Variants in DAB2IP observed in about 807,000 individuals in gnomAD.
The protein encoded by DAB2IP is disabled homolog 2-interacting protein.
A neutral mutation model predicts 107.2 loss-of-function variants in DAB2IP; 28 were observed. The ratio of observed to expected loss-of-function variants is 0.26; its 90% CI spans 0.19 to 0.36. The LOEUF (loss-of-function observed/expected upper bound fraction) is 0.36. Among genes scored for constraint, DAB2IP ranks in the 10% least tolerant of loss-of-function variants. DAB2IP has a pLI of 1.00. For synonymous variants in DAB2IP, 755 were observed against 706.4 expected (o/e 1.07, Z -1.09); for missense variants, 1,400 against 1,644.7 (o/e 0.85, Z 2.57).
chr9:121,722,632 C>G lies in DAB2IP; in HGVS notation c.362+23174C>G, dbSNP rs1207984953. On this transcript the variant is annotated intron_variant, in intron 3 of 15. Transcript: ENST00000408936. ...CTGGTAGAGTAGACAGCCACACAGA[C>G]AGCCAGTGGGTTTGAAGAAGAAACT... Among the ~76,000 whole-genome samples the G allele has an allele frequency of 4.6e-5, 7 of 152,214 alleles. No homozygotes were observed. In the East Asian group the frequency reaches 1.4e-3, roughly 30 times the overall value.
At chr9:121,645,712 T>C in intron 1 of DAB2IP, among the ~76,000 whole-genome samples, 1 of 152,198 alleles carries the variant, frequency 6.6e-6, no homozygotes, top group Non-Finnish European at 1.5e-5. Flanking sequence ...CAGCTGATTT[T>C]GAGGGCCTCA....
intron 1 of DAB2IP, among the ~76,000 whole-genome samples, chr9:121,570,661 G>T (rs921559227): frequency 1.3e-5 from 2 of 152,142 alleles, no homozygotes; most frequent in Non-Finnish European, 2.9e-5. Flanking sequence ...CAATCCTCCT[G>T]CTTCAGCCTT....
chr9:121,594,872 G>A lies in DAB2IP; in HGVS notation c.40+27644G>A, dbSNP rs567151499. Among the ~76,000 whole-genome samples, 25 of 152,344 alleles carry A rather than the reference G, an allele frequency of 1.6e-4. No individual in the cohort carries two copies. The East Asian group carries it at 4.4e-3, about 27-fold the overall frequency. ...GCTTTCCATGGGCTGGAATGCCTGA[G>A]CTGGATTATAATAGGAGAAGTAGGC... is the stretch of plus-strand genomic sequence containing the variant. On this transcript the variant is annotated intron_variant, in intron 1 of 16. Transcript: ENST00000259371.
At chr9:121,590,976 G>T (rs1362423697) in intron 1 of DAB2IP, among the ~76,000 whole-genome samples, 3 of 152,194 alleles carry the variant, frequency 2.0e-5, no homozygotes, top group Admixed American at 2.0e-4. Flanking sequence ...CATGTGGGAG[G>T]CCAGGGAAGC....
chr9:121,660,102 G>T (rs1380905154), intron 1 of DAB2IP, among the ~76,000 whole-genome samples: 4 of 152,102 alleles, frequency 2.6e-5, no homozygotes, highest in Non-Finnish European at 5.9e-5. Flanking sequence ...AAAGAGGGGA[G>T]AACAGCCCCT....
chr9:121,673,771 A>G (rs7028742), intron 1 of DAB2IP, among the ~76,000 whole-genome samples: 37,993 of 152,040 alleles, frequency 0.25, 4,838 homozygotes, highest in African/African-American at 0.3. Flanking sequence ...GTGTCAGGTC[A>G]GGAGAGAGCC....
intron 3 of DAB2IP, chr9:121,751,187 C>G: frequency 5.6e-6 from 1 of 177,124 alleles, no homozygotes; most frequent in African/African-American, 2.6e-5. Flanking sequence ...TGCTATGGAC[C>G]TTTCCCTGCT....
upstream of DAB2IP, among the ~76,000 whole-genome samples, chr9:121,647,146 G>A (rs541964642): frequency 1.3e-5 from 2 of 152,222 alleles, no homozygotes; most frequent in Admixed American, 1.3e-4. Flanking sequence ...GGTTTCTGTG[G>A]TGCCCCACGC....
chr9:121,729,543 G>A (rs1340425143), intron 3 of DAB2IP, among the ~76,000 whole-genome samples: 1 of 152,196 alleles, frequency 6.6e-6, no homozygotes, highest in Non-Finnish European at 1.5e-5. Flanking sequence ...TTGAGGAGGA[G>A]GGTGCTCCTT....
In DAB2IP at chr9:121,699,272, C is replaced by G; in HGVS notation, c.229-53C>G. 7.7e-7 allele frequency: 1 copy of G among 1,293,216 alleles called. No homozygotes were observed. The highest frequency in any genetic ancestry group is 1.0e-6 in the Non-Finnish European group (1 of 1,002,370). 80.1% of individuals were successfully genotyped at this position (1,293,216 alleles called of 1,614,324 possible). The stretch of plus-strand genomic sequence containing the variant: ...GGGTCCCGCGCGGGTCCCGGCCCGC[C>G]GCCGCCGCGCTAACCCCGCCTCCCC... On this transcript the variant is annotated intron_variant, in intron 2 of 15. Coordinates refer to ENST00000408936, the Ensembl canonical transcript of DAB2IP. This position sits in a 1 kb window ranked among gnomAD's most constrained non-coding sequence, Gnocchi z 6.2.
In DAB2IP at chr9:121,567,227, C is replaced by A; in HGVS notation, c.39C>A (p.Tyr13Ter). Residue 13 changes from tyrosine (Y) to a stop codon, truncating the protein, a stop_gained and splice_region_variant, in exon 1 of 17, where the codon TAC (tyrosine) becomes TAA (stop). Coordinates refer to the DAB2IP transcript ENST00000259371. LOFTEE classifies it high-confidence loss of function. ...CCCTTCTGGACCAAGACGACTCCTA[C>A]GGTAAGACGGTGCCAGCAAAGTGCA... 6.2e-7 allele frequency: 1 copy of A among 1,614,004 alleles called. No individual in the cohort carries two copies. Among genetic ancestry groups the A allele is most frequent in the South Asian group, 1.1e-5 (1 of 91,074 alleles).
intron 1 of DAB2IP, among the ~76,000 whole-genome samples, chr9:121,620,835 A>AC (rs1653393167): frequency 6.6e-6 from 1 of 151,848 alleles, no homozygotes; most frequent in African/African-American, 2.4e-5. Context: ...GGCATTAACA[A>AC]CCCCTGAACC....
chr9:121,585,484 G>A (rs181689182), intron 1 of DAB2IP, among the ~76,000 whole-genome samples: 127 of 152,300 alleles, frequency 8.3e-4, no homozygotes, highest in Non-Finnish European at 1.4e-3. Context: ...ACGAGGGTTT[G>A]TTATCATTAT....
At chr9:121,639,007 G>C (rs1291316692) in intron 1 of DAB2IP, among the ~76,000 whole-genome samples, 1 of 152,122 alleles carries the variant, frequency 6.6e-6, no homozygotes, top group African/African-American at 2.4e-5. Context: ...GGTGTGGTAA[G>C]AGGGAAGATA....
rs1489439370 is a variant in DAB2IP at position 121,599,954 on chromosome 9, A to T, written c.40+32726A>T. Among the ~76,000 whole-genome samples the T allele has an allele frequency of 6.6e-6, 1 of 151,996 alleles. No homozygotes were observed. Among genetic ancestry groups the T allele is most frequent in the East Asian group, 1.9e-4 (1 of 5,158 alleles). On this transcript the variant is annotated intron_variant, in intron 1 of 16. Transcript: ENST00000259371. This position sits in a 1 kb window ranked among gnomAD's most constrained non-coding sequence, Gnocchi z 6.9. ...CCTACAGTCCCCTCTCCCGCAAGGA[A>T]ATCTGCGCGATGCATTGAGCCTTTA...
In DAB2IP at chr9:121,724,750, G is replaced by A. The variant is rs1282150947; in HGVS notation, c.362+25292G>A. Among the ~76,000 whole-genome samples the A allele has an allele frequency of 2.6e-5, 4 of 152,352 alleles. No individual in the cohort carries two copies. The East Asian group carries it at 7.7e-4, about 29-fold the overall frequency. Reference sequence around the variant, plus strand: ...TTGACTAGCCCAATGTCATACAGCTGCAGCGGGACAGAACCAGGATTTTAG... The same window carrying A: ...TTGACTAGCCCAATGTCATACAGCTACAGCGGGACAGAACCAGGATTTTAG... On this transcript the variant is annotated intron_variant, in intron 3 of 15. Coordinates refer to ENST00000408936, the Ensembl canonical transcript of DAB2IP.
chr9:121,775,169 C>T (rs1023466506), intron 13 of DAB2IP, among the ~76,000 whole-genome samples: 2 of 152,194 alleles, frequency 1.3e-5, no homozygotes, highest in East Asian at 3.9e-4. Context: ...GAGGAACCAG[C>T]GCAGGCCCCA....
In DAB2IP at chr9:121,759,814, A is replaced by G. The variant is rs1833758232; in HGVS notation, c.616-71A>G. ...TCCTCCTGGGTCTGAGGACTCTCTC[A>G]GGCTCTGGGCTGGTTGGGGGTTGCA... On this transcript the variant is annotated intron_variant, in intron 5 of 15. Coordinates refer to ENST00000408936, the Ensembl canonical transcript of DAB2IP. 2.8e-6 allele frequency: 4 copies of G among 1,420,730 alleles called. No homozygotes were observed. The South Asian group carries it at 5.4e-5, about 19-fold the overall frequency. 88.0% of individuals were successfully genotyped at this position (1,420,730 alleles called of 1,614,324 possible).
chr9:121,744,835 T>C (rs530163377), intron 3 of DAB2IP, among the ~76,000 whole-genome samples: 7 of 152,234 alleles, frequency 4.6e-5, no homozygotes, highest in Non-Finnish European at 1.0e-4. Flanking sequence ...TTGTCAGTTC[T>C]GGGGGAGGCT....
Sources: allele counts gnomAD v4.1 joint callset (sites outside exome capture counted in the v4.1 genomes callset), GRCh38; gene constraint gnomAD v4.1.1; non-coding constraint Gnocchi (gnomAD v3.1); transcripts MANE v1.5; gene names NCBI Gene and HGNC (gene_info 2026-07-23, HGNC 2026-07-21).